The following CCDC102A variants were observed in gnomAD, a reference collection of about 807,000 sequenced individuals.
CCDC102A encodes the protein coiled-coil domain-containing protein 102A.
Under a neutral mutation model 55.5 loss-of-function variants are expected in CCDC102A, and 40 were observed. That is an observed-to-expected ratio of 0.72 (90% confidence interval 0.56 to 0.94). The LOEUF (loss-of-function observed/expected upper bound fraction) is 0.94. Among genes scored for constraint, CCDC102A ranks in the 40% least tolerant of loss-of-function variants. The pLI, the probability that CCDC102A is intolerant of heterozygous loss-of-function variation, is 0.00. For synonymous variants in CCDC102A, 323 were observed against 339.0 expected, an observed-to-expected ratio of 0.95 and a Z score of 0.52; for missense variants, 779 against 768.6, an observed-to-expected ratio of 1.01 and a Z score of -0.16.
intron 3 of CCDC102A, among the ~76,000 whole-genome samples, chr16:57,525,233 T>A (rs1022638546): frequency 1.3e-5 from 2 of 152,114 alleles, no homozygotes; most frequent in Admixed American, 6.6e-5. Context: ...GTAGCTGGGA[T>A]TGCAGGTGTC....
Position 57,512,543 on chromosome 16 carries a change from T to C in CCDC102A, c.*198A>G. On this transcript the variant is annotated 3_prime_UTR_variant, in exon 9 of 9. Transcript: ENST00000258214. ...GCGCGCGCGCGCGTGTGTGTATATA[T>C]ATATATAAAACATAGGCTTCCTTTC... 1 of 611,726 alleles carries C rather than the reference T, an allele frequency of 1.6e-6. No homozygotes were observed. The highest frequency in any genetic ancestry group is 2.8e-6 in the Non-Finnish European group (1 of 355,890). The allele number at this position is 611,726 out of a possible 1,614,324, so 37.9% of individuals were successfully genotyped here.
rs1484414006 is a variant in CCDC102A at position 57,520,538 on chromosome 16, T to TA, written c.921+529dup. Reference sequence around the variant, plus strand: ...AGCACTCAGAACAACTCAGAAAAAATAACATAACATAACATAACATAACAT... The same window carrying TA: ...AGCACTCAGAACAACTCAGAAAAAATAAACATAACATAACATAACATAACAT... On this transcript the variant is annotated intron_variant, in intron 4 of 8. Transcript: ENST00000258214. Among the ~76,000 whole-genome samples the TA allele has an allele frequency of 5.4e-5, 3 of 55,654 alleles. No individual in the cohort carries two copies. The South Asian group carries it at 1.8e-3, about 34-fold the overall frequency. 36.5% of individuals were successfully genotyped at this position (55,654 alleles called of 152,430 possible). A position where few individuals can be genotyped will look rare whatever the true frequency, so the allele number is the denominator to read the frequency against.
chr16:57,522,356 G>A (rs1279975352), intron 3 of CCDC102A, among the ~76,000 whole-genome samples: 2 of 152,148 alleles, frequency 1.3e-5, no homozygotes, highest in Admixed American at 6.5e-5. Flanking sequence ...TTGTGGGGAG[G>A]TGGTCAGGGC....
chr16:57,532,698 GACACACACACACACACAC>G (rs10535195), intron 1 of CCDC102A, among the ~76,000 whole-genome samples: 14 of 148,282 alleles, frequency 9.4e-5, no homozygotes, highest in African/African-American at 2.7e-4. Flanking sequence ...AAGTGAAGCA[GACACACACACACACACAC>G]ACACACACAC....
At chr16:57,520,551 C>CATAACATAAT (rs2032026976) in intron 4 of CCDC102A, among the ~76,000 whole-genome samples, 2 of 120,864 alleles carry the variant, frequency 1.7e-5, no homozygotes, top group South Asian at 5.4e-4. Context: ...CATAACATAA[C>CATAACATAAT]ATAACATAAC....
At chr16:57,534,171 T>C (rs1373765822) in intron 1 of CCDC102A, among the ~76,000 whole-genome samples, 5 of 148,648 alleles carry the variant, frequency 3.4e-5, no homozygotes, top group African/African-American at 1.2e-4. Flanking sequence ...CACCCCCACC[T>C]GGGGACCACA....
intron 4 of CCDC102A, 106 bp from the exon 5 acceptor site, chr16:57,518,847 C>A: frequency 2.4e-6 from 2 of 819,940 alleles, no homozygotes; most frequent in Non-Finnish European, 4.0e-6. Context: ...GGAGCCAAGG[C>A]AGCGCCCAAA....
At chr16:57,515,198 C>CCT (rs559880736) in intron 8 of CCDC102A, 143 bp downstream of exon 8, 232 of 655,474 alleles carry the variant, frequency 3.5e-4, no homozygotes, top group African/African-American at 3.1e-3. Context: ...CCTTCCTGCC[C>CCT]GGAGGGGACA....
chr16:57,514,878 G>T (rs1708126917), intron 8 of CCDC102A, among the ~76,000 whole-genome samples: 1 of 152,188 alleles, frequency 6.6e-6, no homozygotes, highest in Non-Finnish European at 1.5e-5. Context: ...TTGGGAGAGG[G>T]AGGCAGAGTG....
chr16:57,527,666 A>T (rs2032163559), intron 2 of CCDC102A, among the ~76,000 whole-genome samples: 1 of 152,272 alleles, frequency 6.6e-6, no homozygotes, highest in South Asian at 2.1e-4. Context: ...GTGATCCACC[A>T]GCTTTGGCCT....
At position 57,528,720 on chromosome 16, in the gene CCDC102A, C is replaced by G. The variant is rs757839319; in HGVS notation, c.458G>C (p.Arg153Pro). 7 of 1,141,846 alleles carry G rather than the reference C, an allele frequency of 6.1e-6. No homozygotes were observed. The highest frequency in any genetic ancestry group is 1.0e-4 in the Admixed American group (2 of 20,070). 70.7% of individuals were successfully genotyped at this position (1,141,846 alleles called of 1,614,324 possible). A position where few individuals can be genotyped will look rare whatever the true frequency, so the allele number is the denominator to read the frequency against. ...CCTCAGCCGCGCCAGCTCGCGGCCC[C>G]GTGCCTCGCACTCGCCCTGCGCCTC... ...RQEAQGECEA[R>P]GRELARLRGA... is the part of the protein sequence containing the mutation. Residue 153 changes from arginine (R) to proline (P), a missense_variant, in exon 2 of 9, where the codon CGG (arginine) becomes CCG (proline). Transcript: ENST00000258214.
rs2032215716 is a variant in CCDC102A at position 57,529,587 on chromosome 16, C to T, written c.-147-263G>A. Among the ~76,000 whole-genome samples the T allele has an allele frequency of 6.6e-6, 1 of 152,236 alleles. No homozygotes were observed. Among genetic ancestry groups the T allele is most frequent in the Non-Finnish European group, 1.5e-5 (1 of 68,044 alleles). On this transcript the variant is annotated intron_variant, in intron 1 of 8. Transcript: ENST00000258214. This position sits in a 1 kb window ranked among gnomAD's most constrained non-coding sequence, Gnocchi z 4.1. ...TCTTTATTCTCCCGGTCCCGGCTCA[C>T]ACACTGATGGCTTATACTATACTAC...
intron 8 of CCDC102A, 44 bp downstream of exon 8, chr16:57,515,297 G>T: frequency 8.0e-7 from 1 of 1,247,848 alleles, no homozygotes; most frequent in Non-Finnish European, 1.1e-6. Flanking sequence ...GGGTTCCCTG[G>T]CTGGAAGTCT....
In CCDC102A at chr16:57,529,098, G is replaced by A. The variant is rs1202887032; in HGVS notation, c.80C>T (p.Pro27Leu). Reference protein sequence around the residue: ...KGSLLTILGSPSPERMGPADS... With the variant: ...KGSLLTILGSLSPERMGPADS... ...GGCAGGCCCCATGCGCTCCGGCGAC[G>A]GGCTGCCCAGGATGGTCAGGAGGCT... Residue 27 changes from proline to leucine, a missense_variant, in exon 2 of 9, where the codon CCG becomes CTG. Physicochemically the swap from Pro to Leu is moderately conservative, Grantham distance 98. Transcript: ENST00000258214. This position sits in a 1 kb window ranked among gnomAD's most constrained non-coding sequence, Gnocchi z 4.1. 1.7e-6 allele frequency: 2 copies of A among 1,177,576 alleles called. No individual in the cohort carries two copies. Among genetic ancestry groups the A allele is most frequent in the African/African-American group, 1.6e-5 (1 of 61,598 alleles). The allele number at this position is 1,177,576 out of a possible 1,614,324, so 72.9% of individuals were successfully genotyped here. A position where few individuals can be genotyped will look rare whatever the true frequency, so the allele number is the denominator to read the frequency against.
At chr16:57,533,363 C>T (rs1377413949) in intron 1 of CCDC102A, among the ~76,000 whole-genome samples, 1 of 152,046 alleles carries the variant, frequency 6.6e-6, no homozygotes, top group East Asian at 1.9e-4. Context: ...CCTGCACTCC[C>T]ACATAGACCC....
At position 57,528,700 on chromosome 16, in the gene CCDC102A, G is replaced by A; in HGVS notation, c.478C>T (p.Leu160=). The change falls in exon 2 of 9, where the codon CTG becomes TTG. Residue 160 remains leucine, a synonymous_variant. Coordinates refer to ENST00000258214, the MANE Select transcript of CCDC102A (RefSeq NM_033212.4). ...CEARGRELAR[L]RGARGVADQT... ...TCGGCGACCCCCCGGGCGCCCCTCA[G>A]CCGCGCCAGCTCGCGGCCCCGTGCC... The A allele has an allele frequency of 1.8e-6, 2 of 1,123,998 alleles. No individual in the cohort carries two copies. The highest frequency in any genetic ancestry group is 1.1e-4 in the East Asian group (2 of 18,462). 69.6% of individuals were successfully genotyped at this position (1,123,998 alleles called of 1,614,324 possible).
At chr16:57,517,921 T>C in intron 6 of CCDC102A, 147 bp downstream of exon 6, 2 of 931,728 alleles carry the variant, frequency 2.1e-6, no homozygotes, top group Middle Eastern at 3.5e-4. Flanking sequence ...GCGGCTACTA[T>C]AATTACCAAC....
chr16:57,528,928 G>T lies in CCDC102A; in HGVS notation c.250C>A (p.Arg84=), dbSNP rs762836643. The change falls in exon 2 of 9, where the codon CGG becomes AGG. Residue 84 remains arginine (R), a synonymous_variant. Transcript: ENST00000258214. ...TTCTCCATCTGCGCCGCCCGCGCCC[G>T]CGCCTCCTCCAGCTCCCGCAGCCGC... ...ELRLRELEEA[R]ARAAQMEKTM... is the part of the protein sequence containing the mutation. 1.4e-6 allele frequency: 2 copies of T among 1,401,298 alleles called. No individual in the cohort carries two copies. Among genetic ancestry groups the T allele is most frequent in the Middle Eastern group, 2.0e-4 (1 of 5,066 alleles). The allele number at this position is 1,401,298 out of a possible 1,614,324, so 86.8% of individuals were successfully genotyped here. A position where few individuals can be genotyped will look rare whatever the true frequency, so the allele number is the denominator to read the frequency against.
Position 57,529,328 on chromosome 16 carries a change from C to T in CCDC102A, c.-147-4G>A, listed in dbSNP as rs779628311. The T allele has an allele frequency of 1.9e-6, 2 of 1,066,168 alleles. No individual in the cohort carries two copies. The highest frequency in any genetic ancestry group is 4.9e-5 in the East Asian group (1 of 20,484). The allele number at this position is 1,066,168 out of a possible 1,614,324, so 66.0% of individuals were successfully genotyped here. On this transcript the variant is annotated splice_polypyrimidine_tract_variant and splice_region_variant and intron_variant, in intron 1 of 8. Coordinates refer to ENST00000258214, the MANE Select transcript of CCDC102A (RefSeq NM_033212.4). This position sits in a 1 kb window ranked among gnomAD's most constrained non-coding sequence, Gnocchi z 4.1. ...GGCGGAGGACGCCTCCTCGGACCTA[C>T]GGGAGAACACAACCGTTATTGGACT... is the stretch of plus-strand genomic sequence containing the variant.
Sources: allele counts gnomAD v4.1 joint callset (sites outside exome capture counted in the v4.1 genomes callset), GRCh38; gene constraint gnomAD v4.1.1; non-coding constraint Gnocchi (gnomAD v3.1); transcripts MANE v1.5; gene names NCBI Gene and HGNC (gene_info 2026-07-23, HGNC 2026-07-21).